The following NAALADL2 variants were observed in gnomAD, a reference collection of about 807,000 sequenced individuals.
NAALADL2 encodes the protein inactive N-acetylated-alpha-linked acidic dipeptidase-like protein 2.
In NAALADL2, 76 loss-of-function variants were observed where a neutral mutation model predicts 87.2. That is an observed-to-expected ratio of 0.87 (90% CI 0.72 to 1.05). The LOEUF (loss-of-function observed/expected upper bound fraction) is 1.05, where lower values mean the gene tolerates loss of function less well. NAALADL2 is among the 50% of genes least tolerant of loss of function. The pLI, the probability that NAALADL2 is intolerant of heterozygous loss-of-function variation, is 0.00. For missense variants in NAALADL2, 1,089 were observed against 945.8 expected, an observed-to-expected ratio of 1.15 and a Z score of -1.99; for synonymous variants, 354 against 331.0, an observed-to-expected ratio of 1.07 and a Z score of -0.75.
intron 1 of NAALADL2, among the ~76,000 whole-genome samples, chr3:174,864,609 T>G (rs1009026045): frequency 6.6e-6 from 1 of 152,122 alleles, no homozygotes; most frequent in African/African-American, 2.4e-5. Flanking sequence ...TTATTAATCA[T>G]GCAATAAAAA....
At chr3:174,808,371 T>A (rs570165088) in intron 3 of NAALADL2, among the ~76,000 whole-genome samples, 1 of 152,126 alleles carries the variant, frequency 6.6e-6, no homozygotes, top group African/African-American at 2.4e-5. Flanking sequence ...ATGAAAATGG[T>A]CAAATGTAGC....
chr3:175,677,355 C>CT (rs1389495676), intron 11 of NAALADL2, among the ~76,000 whole-genome samples: 10 of 149,966 alleles, frequency 6.7e-5, no homozygotes, highest in Admixed American at 2.6e-4. Flanking sequence ...GAGTGAGACT[C>CT]TGTCAAAAAA....
At chr3:175,548,374 G>A (rs1713747807) in intron 9 of NAALADL2, among the ~76,000 whole-genome samples, 1 of 151,990 alleles carries the variant, frequency 6.6e-6, no homozygotes, top group African/African-American at 2.4e-5. Context: ...CACATAGAGG[G>A]GAACAACACA....
intron 9 of NAALADL2, among the ~76,000 whole-genome samples, chr3:175,512,018 A>G (rs1731225287): frequency 6.6e-6 from 1 of 152,124 alleles, no homozygotes; most frequent in Non-Finnish European, 1.5e-5. Flanking sequence ...GAGGTAGAGG[A>G]TCGCTTTGAG....
chr3:175,158,425 TTGA>T (rs35099976), intron 2 of NAALADL2, among the ~76,000 whole-genome samples: 23,809 of 151,918 alleles, frequency 0.16, 2,281 homozygotes, highest in African/African-American at 0.26. Context: ...AACCCAAAAC[TTGA>T]TGATACAGTG....
chr3:175,606,384 A>G (rs1723731808), intron 10 of NAALADL2, among the ~76,000 whole-genome samples: 1 of 90,828 alleles, frequency 1.1e-5, no homozygotes, highest in Non-Finnish European at 2.7e-5. Flanking sequence ...CAGAGAAACT[A>G]GCCTTTTTTT....
At chr3:175,164,387 A>T (rs1005607472) in intron 2 of NAALADL2, among the ~76,000 whole-genome samples, 1 of 152,008 alleles carries the variant, frequency 6.6e-6, no homozygotes, top group Non-Finnish European at 1.5e-5. Flanking sequence ...AGTTTCATCA[A>T]TATTCTCTTC....
At chr3:175,177,894 G>A (rs1053190999) in intron 2 of NAALADL2, among the ~76,000 whole-genome samples, 1 of 151,776 alleles carries the variant, frequency 6.6e-6, no homozygotes, top group East Asian at 1.9e-4. Flanking sequence ...TAATCTAAAA[G>A]CAGCAGAATT....
rs1003540630 is a variant in NAALADL2, at chr3:175,024,123, A to G, written c.44-72667A>G. Among the ~76,000 whole-genome samples the G allele has an allele frequency of 7.2e-5, 11 of 152,148 alleles. No individual in the cohort carries two copies. The East Asian group carries it at 7.7e-4, about 11-fold the overall frequency. On this transcript the variant is annotated intron_variant, in intron 1 of 13. Transcript: ENST00000454872. Reference sequence around the variant, plus strand: ...TGACATCAGTTTTCCTTTTTATACAATTTTATGAAGTTAAAGATAAATAAT... The same window carrying G: ...TGACATCAGTTTTCCTTTTTATACAGTTTTATGAAGTTAAAGATAAATAAT...
At chr3:174,540,455 T>C (rs1722124281) in intron 1 of NAALADL2, among the ~76,000 whole-genome samples, 1 of 152,176 alleles carries the variant, frequency 6.6e-6, no homozygotes, top group African/African-American at 2.4e-5. Flanking sequence ...TTTAACAAAT[T>C]CTCTGTGCCA....
intron 10 of NAALADL2, among the ~76,000 whole-genome samples, chr3:175,591,587 T>G (rs1253094642): frequency 6.6e-6 from 1 of 152,032 alleles, no homozygotes; most frequent in African/African-American, 2.4e-5. Flanking sequence ...ATTTATAATC[T>G]CTTTAGAACA....
chr3:174,447,839 TA>T (rs376947398), intron 1 of NAALADL2, among the ~76,000 whole-genome samples: 37 of 152,066 alleles, frequency 2.4e-4, no homozygotes, highest in African/African-American at 8.2e-4. Flanking sequence ...AAAATAAAAA[TA>T]AAAAATAAAA....
At chr3:175,547,457 A>G (rs1038461801) in intron 9 of NAALADL2, among the ~76,000 whole-genome samples, 1 of 152,182 alleles carries the variant, frequency 6.6e-6, no homozygotes, top group Non-Finnish European at 1.5e-5. Context: ...TGAAAACCCT[A>G]GAAGACAACC....
At chr3:175,047,396 A>C (rs553544936) in intron 1 of NAALADL2, among the ~76,000 whole-genome samples, 1 of 152,088 alleles carries the variant, frequency 6.6e-6, no homozygotes, top group Non-Finnish European at 1.5e-5. Context: ...ATTTTTTTTA[A>C]ATTTCTTCTC....
At chr3:175,056,806 A>G (rs1712297434) in intron 1 of NAALADL2, among the ~76,000 whole-genome samples, 1 of 152,372 alleles carries the variant, frequency 6.6e-6, no homozygotes, top group East Asian at 1.9e-4. Context: ...TAAGGCACAG[A>G]TCACTCATGC....
chr3:175,077,577 A>G (rs1019305552), intron 1 of NAALADL2, among the ~76,000 whole-genome samples: 1 of 152,192 alleles, frequency 6.6e-6, no homozygotes, highest in Admixed American at 6.6e-5. Flanking sequence ...AATGTAATGA[A>G]TTTGAGCTTT....
At chr3:175,256,244 GA>G (rs1012707476) in intron 3 of NAALADL2, among the ~76,000 whole-genome samples, 166 bp from the exon 4 acceptor site, 24 of 152,260 alleles carry the variant, frequency 1.6e-4, no homozygotes, top group Admixed American at 1.4e-3. Flanking sequence ...TACCTTGATA[GA>G]AATAGAAAGG....
intron 9 of NAALADL2, among the ~76,000 whole-genome samples, chr3:175,529,818 T>C (rs907134169): frequency 2.0e-5 from 3 of 152,126 alleles, no homozygotes; most frequent in African/African-American, 7.2e-5. Flanking sequence ...GGCAGAAGCA[T>C]TGTGTGCAGG....
intron 1 of NAALADL2, among the ~76,000 whole-genome samples, chr3:175,037,587 A>G (rs1753568445): frequency 6.6e-6 from 1 of 152,142 alleles, no homozygotes; most frequent in Non-Finnish European, 1.5e-5. Flanking sequence ...TCCATGGCAG[A>G]GTGATTTCCC....
Sources: allele counts gnomAD v4.1 joint callset (sites outside exome capture counted in the v4.1 genomes callset), GRCh38; gene constraint gnomAD v4.1.1; transcripts MANE v1.5; gene names NCBI Gene and HGNC (gene_info 2026-07-23, HGNC 2026-07-21).